The following NRG1 variants were observed in gnomAD, a reference collection of about 807,000 sequenced individuals.
NRG1 encodes neuregulin 1.
Under a neutral mutation model 63.8 loss-of-function variants are expected in NRG1, and 18 were observed. That is an observed-to-expected ratio of 0.28 (90% CI 0.19 to 0.42). NRG1 has a LOEUF of 0.42. Among genes scored for constraint, NRG1 ranks in the 10% least tolerant of loss-of-function variants. NRG1 has a pLI of 1.00. For synonymous variants in NRG1, 302 were observed against 301.3 expected, an observed-to-expected ratio of 1.00 and a Z score of -0.02; for missense variants, 762 against 814.7, an observed-to-expected ratio of 0.94 and a Z score of 0.79.
At chr8:32,032,531 G>A (rs1162545633) in intron 1 of NRG1, among the ~76,000 whole-genome samples, 1 of 152,168 alleles carries the variant, frequency 6.6e-6, no homozygotes, top group East Asian at 1.9e-4. Flanking sequence ...CTCCCAAAGT[G>A]CTGGGGTTAC....
intron 1 of NRG1, among the ~76,000 whole-genome samples, chr8:32,577,443 C>A (rs1442557107): frequency 6.6e-6 from 1 of 152,186 alleles, no homozygotes; most frequent in East Asian, 1.9e-4. Context: ...ACAGACATTT[C>A]TGCTGTAACT....
intron 1 of NRG1, among the ~76,000 whole-genome samples, chr8:32,166,422 TG>T (rs1004363404): frequency 1.5e-4 from 23 of 152,332 alleles, no homozygotes; most frequent in African/African-American, 5.5e-4. Context: ...TCCTTGTTTT[TG>T]TAATATTATC....
At chr8:32,550,134 CAG>C (rs1441687920) in intron 1 of NRG1, among the ~76,000 whole-genome samples, 1 of 152,134 alleles carries the variant, frequency 6.6e-6, no homozygotes, top group Non-Finnish European at 1.5e-5. Flanking sequence ...AGAAATTGAA[CAG>C]AGAGTAATTG....
At chr8:32,051,697 T>A (rs1473900401) in intron 1 of NRG1, among the ~76,000 whole-genome samples, 2 of 151,284 alleles carry the variant, frequency 1.3e-5, no homozygotes, top group African/African-American at 2.4e-5. Context: ...GTTCAGGAAC[T>A]ACAACAACAA....
chr8:31,717,176 G>A (rs1424261258), intron 1 of NRG1, among the ~76,000 whole-genome samples: 1 of 152,102 alleles, frequency 6.6e-6, no homozygotes, highest in Non-Finnish European at 1.5e-5. Flanking sequence ...GGAGGCTGAG[G>A]CAGGTGGATC....
At chr8:32,236,662 C>T (rs1009841346) in intron 1 of NRG1, among the ~76,000 whole-genome samples, 1 of 152,172 alleles carries the variant, frequency 6.6e-6, no homozygotes, top group East Asian at 1.9e-4. Flanking sequence ...AAAAAAGAAA[C>T]ATTTCAGCTC....
At chr8:31,733,876 C>T (rs200716652) in intron 1 of NRG1, among the ~76,000 whole-genome samples, 47 of 152,234 alleles carry the variant, frequency 3.1e-4, no homozygotes, top group African/African-American at 9.1e-4. Context: ...TTTTCCATTC[C>T]GAAAGATATA....
intron 1 of NRG1, among the ~76,000 whole-genome samples, chr8:32,539,470 G>A (rs1232903108): frequency 6.6e-6 from 1 of 152,174 alleles, no homozygotes; most frequent in Admixed American, 6.5e-5. Flanking sequence ...CAGGTGGCTG[G>A]AGGCAGGTGA....
chr8:32,118,552 T>C (rs181907239), intron 1 of NRG1, among the ~76,000 whole-genome samples: 1 of 152,144 alleles, frequency 6.6e-6, no homozygotes, highest in Non-Finnish European at 1.5e-5. Flanking sequence ...GGTATTCTTT[T>C]ATAGCAATAC....
intron 5 of NRG1, among the ~76,000 whole-genome samples, chr8:32,707,448 G>A (rs1816711161): frequency 2.6e-5 from 4 of 151,988 alleles, no homozygotes; most frequent in Non-Finnish European, 5.9e-5. Flanking sequence ...GCAATTGAGG[G>A]GAGAAGGAAA....
chr8:31,862,179 C>A (rs1269094570), intron 1 of NRG1, among the ~76,000 whole-genome samples: 1 of 152,164 alleles, frequency 6.6e-6, no homozygotes. Context: ...CATCAGGGAG[C>A]AGATACCTCT....
chr8:32,364,349 C>T (rs1807664338), intron 1 of NRG1, among the ~76,000 whole-genome samples: 1 of 152,012 alleles, frequency 6.6e-6, no homozygotes, highest in Admixed American at 6.6e-5. Flanking sequence ...TTTTACCTAG[C>T]TCTCCTGAGA....
At chr8:32,358,256 C>G (rs1299184810) in intron 1 of NRG1, among the ~76,000 whole-genome samples, 1 of 151,882 alleles carries the variant, frequency 6.6e-6, no homozygotes, top group Non-Finnish European at 1.5e-5. Flanking sequence ...CAGAATGCCT[C>G]CTGCTGACTT....
At chr8:31,659,191 G>A (rs946401136) in intron 1 of NRG1, among the ~76,000 whole-genome samples, 1 of 152,220 alleles carries the variant, frequency 6.6e-6, no homozygotes, top group African/African-American at 2.4e-5. Flanking sequence ...TGCTGGCTCT[G>A]CAGCGAGGGT....
In NRG1 at chr8:32,756,540, T is replaced by G; in HGVS notation, c.921+11T>G. ...GTCCAGCTGGTGAATGTACGTTGAC[T>G]CTGGCCAGTGGAAAAAACTGAGCCT... On this transcript the variant is annotated intron_variant, in intron 9 of 11. Transcript: ENST00000356819. 1 of 1,601,930 alleles carries G rather than the reference T, an allele frequency of 6.2e-7. No individual in the cohort carries two copies. Among genetic ancestry groups the G allele is most frequent in the Non-Finnish European group, 8.5e-7 (1 of 1,175,216 alleles).
At chr8:31,940,884 C>T (rs548352577) in intron 1 of NRG1, among the ~76,000 whole-genome samples, 2 of 152,068 alleles carry the variant, frequency 1.3e-5, no homozygotes, top group South Asian at 2.1e-4. Context: ...CAATAACAAC[C>T]TGCAAGATTG....
At chr8:31,716,345 A>G (rs987962008) in intron 1 of NRG1, among the ~76,000 whole-genome samples, 2 of 152,240 alleles carry the variant, frequency 1.3e-5, no homozygotes, top group Non-Finnish European at 2.9e-5. Context: ...TAAATCACAT[A>G]TGTTGATATC....
chr8:32,362,420 C>A (rs1807346567), intron 1 of NRG1, among the ~76,000 whole-genome samples: 1 of 152,204 alleles, frequency 6.6e-6, no homozygotes, highest in Non-Finnish European at 1.5e-5. Context: ...GAGAAAAGAG[C>A]TATTTGCCAA....
chr8:32,100,766 T>C (rs1295895831), intron 1 of NRG1, among the ~76,000 whole-genome samples: 1 of 152,148 alleles, frequency 6.6e-6, no homozygotes, highest in Non-Finnish European at 1.5e-5. Context: ...GTATTCTAAA[T>C]CCAGAAACTG....
Sources: allele counts gnomAD v4.1 joint callset (sites outside exome capture counted in the v4.1 genomes callset), GRCh38; gene constraint gnomAD v4.1.1; transcripts MANE v1.5; gene names NCBI Gene and HGNC (gene_info 2026-07-23, HGNC 2026-07-21).